Variants in CNTNAP3B observed in about 807,000 individuals in gnomAD.
The protein encoded by CNTNAP3B is contactin-associated protein-like 3B.
CNTNAP3B carries 25 observed loss-of-function variants against 108.9 expected under a neutral mutation model. That is an observed-to-expected ratio of 0.23 (90% CI 0.17 to 0.32). CNTNAP3B has a LOEUF of 0.32. CNTNAP3B is among the 10% of genes least tolerant of loss of function. CNTNAP3B has a pLI of 1.00. For missense variants in CNTNAP3B, 252 were observed against 1,210.4 expected (o/e 0.21, Z 11.75); for synonymous variants, 103 against 473.4 (o/e 0.22, Z 10.16).
chr9:42,118,031 G>A (rs1383672087), intron 1 of CNTNAP3B, among the ~76,000 whole-genome samples: 2 of 131,594 alleles, frequency 1.5e-5, no homozygotes, highest in Admixed American at 1.5e-4. Context: ...GAGGCAATAA[G>A]TAATAGCTTA....
At chr9:42,087,538 T>G (rs1827730987) in intron 2 of CNTNAP3B, among the ~76,000 whole-genome samples, 1 of 144,014 alleles carries the variant, frequency 6.9e-6, no homozygotes, top group Non-Finnish European at 1.5e-5. Context: ...CCTATTGCAT[T>G]GCCCCTGTGG....
At position 42,123,804 on chromosome 9, in the gene CNTNAP3B, A is replaced by G. The variant is rs562327918; in HGVS notation, c.85+5206T>C. On this transcript the variant is annotated intron_variant, in intron 1 of 23. Transcript: ENST00000377561. ...ATATACTATTATACATATATATTAT[A>G]TATTCAAAACTCCGTAAAGCATATA... 6.4e-3 allele frequency among the ~76,000 whole-genome samples: 861 copies of G among 133,652 alleles called. 179 individuals are homozygous for G. The highest frequency in any genetic ancestry group is 0.024 in the African/African-American group (809 of 33,310). The allele number at this position is 133,652 out of a possible 152,430, so 87.7% of individuals were successfully genotyped here. A position where few individuals can be genotyped will look rare whatever the true frequency, so the allele number is the denominator to read the frequency against.
chr9:42,061,465 G>A (rs529842613), intron 3 of CNTNAP3B, among the ~76,000 whole-genome samples: 1 of 134,122 alleles, frequency 7.5e-6, no homozygotes, highest in East Asian at 2.3e-4. Flanking sequence ...CAGCAGGCGA[G>A]CACCATGCCC....
At chr9:41,942,629 A>G (rs1824391922) in intron 13 of CNTNAP3B, among the ~76,000 whole-genome samples, 1 of 150,828 alleles carries the variant, frequency 6.6e-6, no homozygotes, top group African/African-American at 2.5e-5. Flanking sequence ...AAATAAAATA[A>G]AAACATTAAA....
chr9:41,977,994 C>A (rs1448563387), intron 9 of CNTNAP3B, among the ~76,000 whole-genome samples: 1 of 124,604 alleles, frequency 8.0e-6, no homozygotes, highest in Non-Finnish European at 1.7e-5. Context: ...AAAAAAAAAA[C>A]AGTAAAATGC....
intron 2 of CNTNAP3B, among the ~76,000 whole-genome samples, chr9:42,094,662 AAGAAAG>A (rs1373587385): frequency 9.0e-6 from 1 of 111,502 alleles, no homozygotes; most frequent in Non-Finnish European, 1.8e-5. Flanking sequence ...GTTTCAGAAA[AAGAAAG>A]AGAAAGAGAG....
chr9:41,950,601 G>A (rs1230574321), intron 13 of CNTNAP3B, among the ~76,000 whole-genome samples: 2 of 146,142 alleles, frequency 1.4e-5, no homozygotes, highest in Non-Finnish European at 3.0e-5. Flanking sequence ...ATCTAGAGAG[G>A]ATTACACAGA....
chr9:42,064,146 ATT>A (rs1181294646), intron 3 of CNTNAP3B, among the ~76,000 whole-genome samples: 1 of 145,476 alleles, frequency 6.9e-6, no homozygotes, highest in Non-Finnish European at 1.5e-5. Context: ...CAGCTCCAGA[ATT>A]TGTTAGTTTT....
intron 15 of CNTNAP3B, among the ~76,000 whole-genome samples, chr9:41,925,680 C>A (rs1198080525): frequency 6.6e-6 from 1 of 152,300 alleles, no homozygotes; most frequent in Non-Finnish European, 1.5e-5. Flanking sequence ...TGTTTATTCA[C>A]GTCACTCTTG....
chr9:42,021,776 C>T (rs1244369212), intron 3 of CNTNAP3B, among the ~76,000 whole-genome samples: 4 of 130,674 alleles, frequency 3.1e-5, no homozygotes, highest in African/African-American at 1.3e-4. Context: ...ACATGAGGCA[C>T]ATGGAAGTTC....
At chr9:41,966,343 A>G (rs1383796949) in intron 10 of CNTNAP3B, among the ~76,000 whole-genome samples, 1 of 152,308 alleles carries the variant, frequency 6.6e-6, no homozygotes, top group Non-Finnish European at 1.5e-5. Context: ...AATAAGAACT[A>G]TTTAAGTGAT....
intron 2 of CNTNAP3B, among the ~76,000 whole-genome samples, chr9:42,086,480 C>T (rs1827707973): frequency 7.2e-6 from 1 of 138,828 alleles, no homozygotes; most frequent in Admixed American, 7.2e-5. Context: ...CGGAGTCTCG[C>T]TCTGTTGCCC....
In CNTNAP3B at chr9:42,127,040, G is replaced by C. The variant is rs1349127242; in HGVS notation, c.85+1970C>G. 1.4e-5 allele frequency among the ~76,000 whole-genome samples: 2 copies of C among 138,774 alleles called. 1 individual carries two copies. The highest frequency in any genetic ancestry group is 5.7e-5 in the African/African-American group (2 of 34,918). The allele number at this position is 138,774 out of a possible 152,430, so 91.0% of individuals were successfully genotyped here. A position where few individuals can be genotyped will look rare whatever the true frequency, so the allele number is the denominator to read the frequency against. On this transcript the variant is annotated intron_variant, in intron 1 of 23. Transcript: ENST00000377561. ...TATTGACTTTCTTCTTGGTATTGAA[G>C]GTGGTATAATTATTATAGTTACATA...
At chr9:42,090,855 AC>A (rs1428732357) in intron 2 of CNTNAP3B, among the ~76,000 whole-genome samples, 2 of 97,290 alleles carry the variant, frequency 2.1e-5, no homozygotes, top group African/African-American at 7.8e-5. Context: ...ACACACACAC[AC>A]ACACACACAC....
chr9:42,107,905 G>A (rs1789031399), intron 1 of CNTNAP3B, among the ~76,000 whole-genome samples: 1 of 127,422 alleles, frequency 7.8e-6, no homozygotes, highest in Non-Finnish European at 1.6e-5. Flanking sequence ...AACCTGGGAG[G>A]AGGAGGTTGC....
chr9:42,095,798 T>G (rs1827886638), intron 2 of CNTNAP3B, among the ~76,000 whole-genome samples: 1 of 136,360 alleles, frequency 7.3e-6, no homozygotes, highest in Non-Finnish European at 1.6e-5. Flanking sequence ...TTACTTCCCC[T>G]TCATCCCCAG....
intron 11 of CNTNAP3B, among the ~76,000 whole-genome samples, chr9:41,961,983 C>T (rs1825109243): frequency 6.6e-6 from 1 of 152,278 alleles, no homozygotes; most frequent in South Asian, 2.1e-4. Context: ...AAATTAATAA[C>T]AATACTTAAA....
chr9:42,053,898 G>A (rs566579216), intron 3 of CNTNAP3B, among the ~76,000 whole-genome samples: 1 of 148,476 alleles, frequency 6.7e-6, no homozygotes, highest in Admixed American at 6.7e-5. Context: ...GGTTTACCCA[G>A]CACACCCACC....
chr9:42,089,728 G>A (rs1827777701), intron 2 of CNTNAP3B, among the ~76,000 whole-genome samples: 1 of 147,682 alleles, frequency 6.8e-6, no homozygotes. Context: ...CATCTGAATA[G>A]TGGAGAAATA....
Sources: gnomAD v4.1 joint callset for allele counts (sites outside exome capture counted in the v4.1 genomes callset) on GRCh38, gnomAD v4.1.1 for gene constraint, MANE v1.5 for transcripts, NCBI Gene and HGNC (gene_info 2026-07-23, HGNC 2026-07-21) for gene names.